Variants in SNX29 observed in about 807,000 individuals in gnomAD.
SNX29 encodes the protein sorting nexin 29.
In SNX29, 78 loss-of-function variants were observed where a neutral mutation model predicts 102.1. The ratio of observed to expected loss-of-function variants is 0.76; its 90% CI spans 0.64 to 0.92. The LOEUF (loss-of-function observed/expected upper bound fraction) is 0.92, where lower values mean the gene tolerates loss of function less well. Among genes scored for constraint, SNX29 ranks in the 40% least tolerant of loss-of-function variants. The pLI is 0.00. For synonymous variants in SNX29, 580 were observed against 414.5 expected (o/e 1.40, Z -4.85); for missense variants, 1,280 against 1,061.7 (o/e 1.21, Z -2.86).
intron 20 of SNX29, among the ~76,000 whole-genome samples, chr16:12,550,069 C>T (rs938235443): frequency 1.3e-5 from 2 of 152,186 alleles, no homozygotes; most frequent in Non-Finnish European, 2.9e-5. Flanking sequence ...TAGTCTCACC[C>T]TTTATAGGAA....
intron 13 of SNX29, among the ~76,000 whole-genome samples, chr16:12,132,498 C>T (rs1427425261): frequency 1.3e-5 from 2 of 152,352 alleles, no homozygotes; most frequent in African/African-American, 2.4e-5. Flanking sequence ...TGCTCAACTT[C>T]TGCACATATG....
At chr16:11,997,679 A>G (rs1365367719) in intron 1 of SNX29, among the ~76,000 whole-genome samples, 2 of 151,778 alleles carry the variant, frequency 1.3e-5, no homozygotes, top group Non-Finnish European at 2.9e-5. Flanking sequence ...GGGCTTCATC[A>G]TGTTGCCCAG....
At chr16:11,982,615 G>C (rs1012162582) in intron 1 of SNX29, among the ~76,000 whole-genome samples, 1 of 151,924 alleles carries the variant, frequency 6.6e-6, no homozygotes, top group Non-Finnish European at 1.5e-5. Flanking sequence ...ATTTTTAGTA[G>C]AGATGGGGTT....
intron 18 of SNX29, among the ~76,000 whole-genome samples, chr16:12,459,906 A>G (rs2086705933): frequency 6.6e-6 from 1 of 152,190 alleles, no homozygotes; most frequent in Admixed American, 6.5e-5. Context: ...TGTGACTAAG[A>G]AGATAGAAGG....
intron 14 of SNX29, among the ~76,000 whole-genome samples, chr16:12,213,591 C>G (rs1031626535): frequency 2.6e-5 from 4 of 152,152 alleles, no homozygotes; most frequent in African/African-American, 9.7e-5. Flanking sequence ...GTTGGAAATG[C>G]ATTTAGGAGA....
At chr16:12,110,401 T>G (rs547632076) in intron 11 of SNX29, among the ~76,000 whole-genome samples, 20 of 152,314 alleles carry the variant, frequency 1.3e-4, no homozygotes, top group African/African-American at 4.6e-4. Flanking sequence ...AACAGACTTT[T>G]TCCTTTTCTC....
chr16:12,356,856 C>T (rs1031968174), intron 16 of SNX29, among the ~76,000 whole-genome samples: 1 of 152,234 alleles, frequency 6.6e-6, no homozygotes, highest in Non-Finnish European at 1.5e-5. Context: ...GTAGCTTCAC[C>T]TCGCCAGGTT....
intron 14 of SNX29, among the ~76,000 whole-genome samples, chr16:12,226,647 C>T (rs181654116): frequency 6.7e-6 from 1 of 150,206 alleles, no homozygotes; most frequent in Non-Finnish European, 1.5e-5. Flanking sequence ...AATCTTGGCT[C>T]ACTGCAACCT....
intron 15 of SNX29, among the ~76,000 whole-genome samples, chr16:12,322,780 TC>T (rs2080982360): frequency 6.6e-6 from 1 of 151,426 alleles, no homozygotes; most frequent in Non-Finnish European, 1.5e-5. Context: ...CAGGATGCAG[TC>T]AGTAGGGGGC....
At chr16:12,381,765 C>G (rs529882131) in intron 16 of SNX29, among the ~76,000 whole-genome samples, 4 of 112,910 alleles carry the variant, frequency 3.5e-5, no homozygotes, top group Non-Finnish European at 5.5e-5. Context: ...CATCCATGCA[C>G]CCATCATCCA....
intron 13 of SNX29, among the ~76,000 whole-genome samples, chr16:12,182,541 A>G (rs1285767531): frequency 6.6e-6 from 1 of 152,146 alleles, no homozygotes; most frequent in Non-Finnish European, 1.5e-5. Context: ...TGATTCCTTC[A>G]GCACTCAGGG....
intron 20 of SNX29, among the ~76,000 whole-genome samples, chr16:12,539,550 C>G (rs373071321): frequency 2.6e-5 from 4 of 152,192 alleles, no homozygotes; most frequent in Admixed American, 6.5e-5. Flanking sequence ...TGGAAACATT[C>G]AAGTGCAGCT....
chr16:12,290,215 G>C (rs1397590453), intron 15 of SNX29, among the ~76,000 whole-genome samples: 1 of 152,080 alleles, frequency 6.6e-6, no homozygotes, highest in Non-Finnish European at 1.5e-5. Flanking sequence ...CTATACTCTT[G>C]CCTTCCTCTT....
intron 13 of SNX29, among the ~76,000 whole-genome samples, chr16:12,149,196 G>T (rs2055193281): frequency 6.6e-6 from 1 of 152,194 alleles, no homozygotes; most frequent in Non-Finnish European, 1.5e-5. Context: ...GGCTGCTGGA[G>T]CCCCAGCCCT....
At chr16:12,483,319 C>CT (rs71139599) in intron 19 of SNX29, among the ~76,000 whole-genome samples, 17,257 of 134,572 alleles carry the variant, frequency 0.13, 1,166 homozygotes, top group Non-Finnish European at 0.13. Flanking sequence ...ATTTACTTTT[C>CT]TTTTTTTTTT....
chr16:12,563,296 G>C (rs1481863887), intron 20 of SNX29, among the ~76,000 whole-genome samples: 1 of 152,158 alleles, frequency 6.6e-6, no homozygotes, highest in Admixed American at 6.5e-5. Flanking sequence ...CCACAGCTCG[G>C]AAAGTCTGCT....
At chr16:12,254,431 C>T (rs1009261832) in intron 14 of SNX29, among the ~76,000 whole-genome samples, 1 of 152,220 alleles carries the variant, frequency 6.6e-6, no homozygotes, top group South Asian at 2.1e-4. Context: ...GGGCAGATCA[C>T]TTGGGGTCAG....
At chr16:12,310,393 T>C (rs2080499427) in intron 15 of SNX29, among the ~76,000 whole-genome samples, 2 of 152,186 alleles carry the variant, frequency 1.3e-5, no homozygotes, top group South Asian at 4.1e-4. Context: ...AACTTTGTGT[T>C]AGCCAACTAG....
chr16:12,510,114 G>A (rs904160725), intron 19 of SNX29, among the ~76,000 whole-genome samples: 1 of 152,232 alleles, frequency 6.6e-6, no homozygotes, highest in Non-Finnish European at 1.5e-5. Context: ...TTTTTGGAGT[G>A]TGCATTGGTG....
Sources: gnomAD v4.1 joint callset for allele counts (sites outside exome capture counted in the v4.1 genomes callset) on GRCh38, gnomAD v4.1.1 for gene constraint, MANE v1.5 for transcripts, NCBI Gene and HGNC (gene_info 2026-07-23, HGNC 2026-07-21) for gene names.